CDH12: variants seen among roughly 807,000 people sequenced by gnomAD.
The protein encoded by CDH12 is cadherin 12, also known as cadherin-12.
A neutral mutation model predicts 74.1 loss-of-function variants in CDH12; 41 were observed. That is an observed-to-expected ratio of 0.55 (90% CI 0.43 to 0.72). The LOEUF (loss-of-function observed/expected upper bound fraction) is 0.72, where lower values mean the gene tolerates loss of function less well. Ranked by LOEUF, CDH12 falls within the 30% of genes least tolerant of loss-of-function variation. The pLI is 0.00. For missense variants in CDH12, 945 were observed against 977.2 expected, an observed-to-expected ratio of 0.97 and a Z score of 0.44; for synonymous variants, 399 against 355.0, an observed-to-expected ratio of 1.12 and a Z score of -1.39.
At chr5:22,688,001 T>C (rs1247540304) in intron 1 of CDH12, among the ~76,000 whole-genome samples, 1 of 152,142 alleles carries the variant, frequency 6.6e-6, no homozygotes, top group East Asian at 1.9e-4. Context: ...GCCAATTCTG[T>C]AAGCCAAGGA....
chr5:22,066,390 T>C (rs4585407), intron 5 of CDH12, among the ~76,000 whole-genome samples: 1 of 151,870 alleles, frequency 6.6e-6, no homozygotes, highest in Non-Finnish European at 1.5e-5. Context: ...AAAGAAAATA[T>C]TCAGACCTTT....
intron 5 of CDH12, among the ~76,000 whole-genome samples, chr5:22,031,239 C>T (rs1738799484): frequency 6.6e-6 from 1 of 151,996 alleles, no homozygotes; most frequent in South Asian, 2.1e-4. Context: ...GAGTCTGAGG[C>T]AGGAGAATCG....
intron 6 of CDH12, among the ~76,000 whole-genome samples, chr5:21,899,348 G>A (rs1753277891): frequency 6.6e-6 from 1 of 152,132 alleles, no homozygotes; most frequent in African/African-American, 2.4e-5. Flanking sequence ...ATAATACTCA[G>A]AGAACCTAGT....
chr5:22,771,175 T>C (rs1043829974), intron 1 of CDH12, among the ~76,000 whole-genome samples: 1 of 152,108 alleles, frequency 6.6e-6, no homozygotes, highest in African/African-American at 2.4e-5. Context: ...CTTGAGAAGA[T>C]AGTTCTATGA....
chr5:21,990,675 C>T (rs1757705879), intron 5 of CDH12, among the ~76,000 whole-genome samples: 1 of 151,852 alleles, frequency 6.6e-6, no homozygotes, highest in Admixed American at 6.6e-5. Flanking sequence ...TATATTTTGC[C>T]AGGCAACTTT....
intron 2 of CDH12, among the ~76,000 whole-genome samples, chr5:22,416,525 C>A (rs1003975827): frequency 6.6e-6 from 1 of 151,946 alleles, no homozygotes; most frequent in African/African-American, 2.4e-5. Context: ...ATTTTTCAAA[C>A]CAGAAAGGAA....
At chr5:22,036,593 C>T (rs1739205834) in intron 5 of CDH12, among the ~76,000 whole-genome samples, 1 of 151,952 alleles carries the variant, frequency 6.6e-6, no homozygotes, top group East Asian at 1.9e-4. Context: ...TGTGTTTTGC[C>T]AAGAGTTATT....
chr5:22,728,209 A>AT (rs920361934), intron 1 of CDH12, among the ~76,000 whole-genome samples: 57 of 151,464 alleles, frequency 3.8e-4, no homozygotes, highest in Middle Eastern at 3.4e-3. Flanking sequence ...AATTTCAGCT[A>AT]TTTTTTTTCC....
intron 5 of CDH12, among the ~76,000 whole-genome samples, chr5:21,987,221 T>C (rs1287253908): frequency 6.6e-6 from 1 of 152,086 alleles, no homozygotes; most frequent in Non-Finnish European, 1.5e-5. Context: ...TACGATAAGA[T>C]AAATATAAGT....
chr5:22,591,518 A>C (rs1383256667), intron 1 of CDH12, among the ~76,000 whole-genome samples: 1 of 152,148 alleles, frequency 6.6e-6, no homozygotes, highest in Admixed American at 6.6e-5. Context: ...TATTCTCCTG[A>C]AAGTAGCCAG....
At chr5:22,624,728 C>A (rs1561536087) in intron 1 of CDH12, among the ~76,000 whole-genome samples, 1 of 152,174 alleles carries the variant, frequency 6.6e-6, no homozygotes, top group Non-Finnish European at 1.5e-5. Flanking sequence ...TAAACTAGTT[C>A]AACTATTGTG....
At chr5:21,829,694 T>C (rs1748895383) in intron 8 of CDH12, among the ~76,000 whole-genome samples, 1 of 152,208 alleles carries the variant, frequency 6.6e-6, no homozygotes, top group South Asian at 2.1e-4. Flanking sequence ...TAGGATGCTT[T>C]CACATCTGTG....
At chr5:22,316,569 G>C (rs547323143) in intron 3 of CDH12, among the ~76,000 whole-genome samples, 76 of 152,116 alleles carry the variant, frequency 5.0e-4, no homozygotes, top group Non-Finnish European at 9.4e-4. Flanking sequence ...TGATGTGATT[G>C]ATTTTTATTA....
intron 3 of CDH12, among the ~76,000 whole-genome samples, chr5:22,216,937 A>C (rs1328701754): frequency 6.6e-6 from 1 of 151,856 alleles, no homozygotes; most frequent in African/African-American, 2.4e-5. Context: ...GATTTCAGTC[A>C]GTTATGAAAA....
chr5:22,067,497 A>T (rs1487347965), intron 5 of CDH12, among the ~76,000 whole-genome samples: 1 of 152,120 alleles, frequency 6.6e-6, no homozygotes, highest in African/African-American at 2.4e-5. Flanking sequence ...AAATGCTGCT[A>T]GTTTTGAGTG....
intron 3 of CDH12, among the ~76,000 whole-genome samples, chr5:22,225,803 A>G (rs4437341): frequency 0.45 from 68,811 of 151,862 alleles, 16,894 homozygotes; most frequent in Non-Finnish European, 0.55. Context: ...GCACCTATAC[A>G]CTCACTTGAT....
intron 3 of CDH12, among the ~76,000 whole-genome samples, chr5:22,238,484 C>G (rs551264203): frequency 3.3e-5 from 5 of 152,218 alleles, no homozygotes; most frequent in African/African-American, 1.2e-4. Flanking sequence ...CCTTTGAGCT[C>G]TGAAAGGAAG....
At chr5:21,803,017 CAA>C (rs1273224526) in intron 9 of CDH12, among the ~76,000 whole-genome samples, 1 of 152,052 alleles carries the variant, frequency 6.6e-6, no homozygotes, top group African/African-American at 2.4e-5. Context: ...TTTATATGAG[CAA>C]AGTTAAAACA....
At chr5:21,974,163 T>C (rs1228991017) in intron 6 of CDH12, among the ~76,000 whole-genome samples, 1 of 152,122 alleles carries the variant, frequency 6.6e-6, no homozygotes, top group Non-Finnish European at 1.5e-5. Context: ...GTAGGAGCAG[T>C]AGAAACCCCC....
Sources: allele counts gnomAD v4.1 joint callset (sites outside exome capture counted in the v4.1 genomes callset), GRCh38; gene constraint gnomAD v4.1.1; transcripts MANE v1.5; gene names NCBI Gene and HGNC (gene_info 2026-07-23, HGNC 2026-07-21).